KAT7: variants seen among roughly 807,000 people sequenced by gnomAD.
The protein encoded by KAT7 is lysine acetyltransferase 7, also known as histone acetyltransferase KAT7.
KAT7 carries 10 observed loss-of-function variants against 82.1 expected under a neutral mutation model. That is an observed-to-expected ratio of 0.12 (90% confidence interval 0.08 to 0.21). KAT7 has a LOEUF of 0.21. Among genes scored for constraint, KAT7 ranks in the 10% least tolerant of loss-of-function variants. The pLI is 1.00. For missense variants in KAT7, 378 were observed against 760.9 expected (o/e 0.50, Z 5.92); for synonymous variants, 250 against 262.5 (o/e 0.95, Z 0.46).
chr17:49,792,025 G>T lies in KAT7; in HGVS notation c.155G>T (p.Ser52Ile), dbSNP rs1434255342. 1.9e-6 allele frequency: 3 copies of T among 1,613,674 alleles called. No homozygotes were observed. Among genetic ancestry groups the T allele is most frequent in the Non-Finnish European group, 2.5e-6 (3 of 1,179,768 alleles). The change falls in exon 2 of 15, where the codon AGT becomes ATT. Residue 52 changes from serine (S) to isoleucine (I), a missense_variant. Coordinates refer to ENST00000259021, the MANE Select transcript of KAT7 (RefSeq NM_007067.5). ...VTRSSARLSQ[S>I]SQDSSPVRNL... ...CGCTCCTCAGCCAGGCTAAGCCAGAGTTCTCAAGGTAAAAAAACCTTCATT... is the reference window on the plus strand; with the variant it reads ...CGCTCCTCAGCCAGGCTAAGCCAGATTTCTCAAGGTAAAAAAACCTTCATT...
intron 7 of KAT7, among the ~76,000 whole-genome samples, chr17:49,812,477 G>A (rs1198741613): frequency 6.6e-6 from 1 of 151,682 alleles, no homozygotes; most frequent in East Asian, 1.9e-4. Context: ...TGCCCACCTC[G>A]GCCTCCCAAA....
chr17:49,807,117 T>C (rs747192530), intron 5 of KAT7, among the ~76,000 whole-genome samples: 8 of 152,236 alleles, frequency 5.3e-5, no homozygotes, highest in Non-Finnish European at 8.8e-5. Flanking sequence ...AATACAGGTA[T>C]CTGAGGATTC....
chr17:49,818,663 G>A (rs2074263560), intron 9 of KAT7, among the ~76,000 whole-genome samples: 1 of 151,858 alleles, frequency 6.6e-6, no homozygotes, highest in African/African-American at 2.4e-5. Context: ...GTCTTAAGGG[G>A]AATTTCTGCC....
chr17:49,821,543 A>G, intron 10 of KAT7, 107 bp from the exon 11 acceptor site: 1 of 1,523,980 alleles, frequency 6.6e-7, no homozygotes, highest in Non-Finnish European at 9.1e-7. Context: ...CTCTTGCCAA[A>G]ATACACAATG....
rs1373366731 is a variant in KAT7 at position 49,828,379 on chromosome 17, T to C, written c.*877T>C. On this transcript the variant is annotated 3_prime_UTR_variant, in exon 15 of 15. Coordinates refer to ENST00000259021, the MANE Select transcript of KAT7 (RefSeq NM_007067.5). ...ATGCTGCATATTAACTGGTTAATTA[T>C]ACTGCAGAAACCTTTTCACCTCCAC... The C allele has an allele frequency of 6.6e-6, 1 of 152,274 alleles. No homozygotes were observed. Among genetic ancestry groups the C allele is most frequent in the Non-Finnish European group, 1.5e-5 (1 of 68,052 alleles). 9.4% of individuals were successfully genotyped at this position (152,274 alleles called of 1,614,324 possible).
At chr17:49,809,774 A>G (rs1044604012) in intron 6 of KAT7, among the ~76,000 whole-genome samples, 3 of 152,144 alleles carry the variant, frequency 2.0e-5, no homozygotes, top group African/African-American at 7.2e-5. Flanking sequence ...CTGGAACGCT[A>G]TACCTGTACC....
At chr17:49,799,688 G>C (rs564725852) in intron 4 of KAT7, among the ~76,000 whole-genome samples, 2 of 152,142 alleles carry the variant, frequency 1.3e-5, no homozygotes, top group Admixed American at 6.5e-5. Context: ...AGAGAGACAG[G>C]GGTCTCACTT....
At chr17:49,809,929 T>C (rs1177150899) in intron 6 of KAT7, among the ~76,000 whole-genome samples, 1 of 152,218 alleles carries the variant, frequency 6.6e-6, no homozygotes, top group Non-Finnish European at 1.5e-5. Flanking sequence ...TTGTGACATA[T>C]TATATTTTGT....
Position 49,830,950 on chromosome 17 carries a change from T to A in KAT7, c.*3448T>A, listed in dbSNP as rs1458592447. Reference sequence around the variant, plus strand: ...TATATTTTTTCTTATTATTTTTTAATTATTAACCAAATTAACTCATTACAG... The same window carrying A: ...TATATTTTTTCTTATTATTTTTTAAATATTAACCAAATTAACTCATTACAG... On this transcript the variant is annotated 3_prime_UTR_variant, in exon 15 of 15. Transcript: ENST00000259021. 1 of 152,234 alleles carries A rather than the reference T, an allele frequency of 6.6e-6. No homozygotes were observed. The highest frequency in any genetic ancestry group is 1.5e-5 in the Non-Finnish European group (1 of 68,050). 9.4% of individuals were successfully genotyped at this position (152,234 alleles called of 1,614,324 possible).
chr17:49,813,376 C>G (rs1169229665), intron 7 of KAT7, among the ~76,000 whole-genome samples: 1 of 151,932 alleles, frequency 6.6e-6, no homozygotes, highest in East Asian at 1.9e-4. Context: ...TATGGCTGCT[C>G]TTTTAGATTT....
Position 49,832,289 on chromosome 17 carries a change from A to G in KAT7, c.*4787A>G, listed in dbSNP as rs1209463066. 6.6e-6 allele frequency: 1 copy of G among 152,150 alleles called. No homozygotes were observed. The highest frequency in any genetic ancestry group is 6.5e-5 in the Admixed American group (1 of 15,270). The allele number at this position is 152,150 out of a possible 1,614,324, so 9.4% of individuals were successfully genotyped here. On this transcript the variant is annotated 3_prime_UTR_variant, in exon 15 of 15. Transcript: ENST00000259021. Reference sequence around the variant, plus strand: ...TTTAACAGTGTGGTATAACCTTTAAATGACAAGGTGATGCTTTTGACTTGT... The same window carrying G: ...TTTAACAGTGTGGTATAACCTTTAAGTGACAAGGTGATGCTTTTGACTTGT...
intron 4 of KAT7, 46 bp downstream of exon 4, chr17:49,798,604 T>G (rs763118065): frequency 6.5e-7 from 1 of 1,539,546 alleles, no homozygotes; most frequent in South Asian, 1.2e-5. Context: ...TGTGGTTCTC[T>G]CTCCCAGGAT....
At chr17:49,814,392 TC>T (rs2074208131) in intron 7 of KAT7, among the ~76,000 whole-genome samples, 1 of 152,228 alleles carries the variant, frequency 6.6e-6, no homozygotes, top group Non-Finnish European at 1.5e-5. Flanking sequence ...GTTCACTGTT[TC>T]CATCTGCAAA....
intron 2 of KAT7, among the ~76,000 whole-genome samples, chr17:49,794,520 A>C (rs750010310): frequency 6.6e-6 from 1 of 152,122 alleles, no homozygotes; most frequent in Non-Finnish European, 1.5e-5. Flanking sequence ...TCCTGATCTC[A>C]AGTGATCTGC....
chr17:49,794,486 G>A (rs569872371), intron 2 of KAT7, among the ~76,000 whole-genome samples: 28 of 152,154 alleles, frequency 1.8e-4, no homozygotes, highest in African/African-American at 5.8e-4. Context: ...GGGTTTCACC[G>A]TGTTGTCCAG....
chr17:49,809,388 C>A lies in KAT7; in HGVS notation c.753+180C>A, dbSNP rs538651754. Among the ~76,000 whole-genome samples the A allele has an allele frequency of 1.5e-4, 23 of 152,326 alleles. No homozygotes were observed. In the East Asian group the frequency reaches 3.7e-3, roughly 24 times the overall value. ...TTTCATAAAACAAACACTTCTACCT[C>A]ATGAATGAAGGAATCATGCTATCTA... On this transcript the variant is annotated intron_variant, in intron 6 of 14. Transcript: ENST00000259021.
chr17:49,790,836 A>G (rs1007860518), intron 1 of KAT7, among the ~76,000 whole-genome samples: 5 of 152,256 alleles, frequency 3.3e-5, no homozygotes, highest in African/African-American at 1.2e-4. Context: ...GGTTTTGAAT[A>G]AATAATTGGG....
rs149647068 is a variant in KAT7, at chr17:49,821,052, G to A, written c.1156-285G>A. On this transcript the variant is annotated intron_variant, in intron 9 of 14. Transcript: ENST00000259021. ...AAGCAAGCGTATTGTTATTTATTTG[G>A]CCTTTATGTAGTGGGTGATTTTAAT... Among the ~76,000 whole-genome samples, 487 of 152,168 alleles carry A rather than the reference G, an allele frequency of 3.2e-3. 3 individuals are homozygous for A. Among genetic ancestry groups the A allele is most frequent in the Non-Finnish European group, 4.0e-3 (270 of 67,990 alleles).
At chr17:49,818,079 C>T in intron 9 of KAT7, 68 bp downstream of exon 9, 3 of 1,335,328 alleles carry the variant, frequency 2.2e-6, no homozygotes, top group Non-Finnish European at 3.2e-6. Context: ...TAGATTTTGC[C>T]ATAGCGATGG....
Sources: allele counts gnomAD v4.1 joint callset (sites outside exome capture counted in the v4.1 genomes callset), GRCh38; gene constraint gnomAD v4.1.1; transcripts MANE v1.5; gene names NCBI Gene and HGNC (gene_info 2026-07-23, HGNC 2026-07-21).